Variants in SOS1 observed in about 807,000 individuals in gnomAD.
SOS1 encodes the protein SOS Ras/Rac guanine nucleotide exchange factor 1.
In SOS1, 25 loss-of-function variants were observed where a neutral mutation model predicts 157.6. The observed-to-expected ratio is 0.16, with a 90% CI of 0.12 to 0.22. The LOEUF (loss-of-function observed/expected upper bound fraction) is 0.22, where lower values mean the gene tolerates loss of function less well. Ranked by LOEUF, SOS1 falls within the 10% of genes least tolerant of loss-of-function variation. The probability of loss-of-function intolerance (pLI) is 1.00; values close to 1 mark genes in which losing one functional copy is unlikely to be tolerated. For missense variants in SOS1, 1,237 were observed against 1,599.1 expected, an observed-to-expected ratio of 0.77 and a Z score of 3.86; for synonymous variants, 528 against 534.0, an observed-to-expected ratio of 0.99 and a Z score of 0.16.
intron 1 of SOS1, among the ~76,000 whole-genome samples, chr2:39,116,154 T>C (rs984823241): frequency 1.1e-4 from 16 of 145,138 alleles, no homozygotes; most frequent in Middle Eastern, 3.2e-3. Context: ...CAACAACCAA[T>C]AGCCAGTTGG....
chr2:39,026,043 G>A (rs1230507333), intron 8 of SOS1, among the ~76,000 whole-genome samples: 1 of 152,026 alleles, frequency 6.6e-6, no homozygotes, highest in African/African-American at 2.4e-5. Context: ...AAAATTTTCA[G>A]TCTTAACTGT....
At chr2:39,018,741 C>G (rs546828305) in intron 10 of SOS1, among the ~76,000 whole-genome samples, 1 of 151,818 alleles carries the variant, frequency 6.6e-6, no homozygotes, top group East Asian at 1.9e-4. Context: ...CCACCCCCAA[C>G]CACCACAGTA....
Position 38,982,710 on chromosome 2 carries a change from C to A in SOS1, c.*3114G>T, listed in dbSNP as rs982890782. 1.3e-5 allele frequency: 2 copies of A among 152,066 alleles called. No homozygotes were observed. Among genetic ancestry groups the A allele is most frequent in the African/African-American group, 4.8e-5 (2 of 41,422 alleles). 9.4% of individuals were successfully genotyped at this position (152,066 alleles called of 1,614,324 possible). A position where few individuals can be genotyped will look rare whatever the true frequency, so the allele number is the denominator to read the frequency against. ...CTATTTTGCTGAGTCACTTAAAAATCTGAATTTAAGCTGTCATATTAGAAG... is the reference window on the plus strand; with the variant it reads ...CTATTTTGCTGAGTCACTTAAAAATATGAATTTAAGCTGTCATATTAGAAG... On this transcript the variant is annotated 3_prime_UTR_variant, in exon 23 of 23. Coordinates refer to ENST00000402219, the MANE Select transcript of SOS1 (RefSeq NM_005633.4).
At chr2:39,084,981 G>A (rs936348773) in intron 1 of SOS1, among the ~76,000 whole-genome samples, 14 of 152,258 alleles carry the variant, frequency 9.2e-5, no homozygotes, top group Non-Finnish European at 1.9e-4. Context: ...CACAGATGGG[G>A]CGCTTTATCA....
chr2:39,018,989 A>ATAAG (rs1452735858), intron 10 of SOS1, among the ~76,000 whole-genome samples: 2 of 151,888 alleles, frequency 1.3e-5, no homozygotes, highest in Non-Finnish European at 3.0e-5. Context: ...AAAGATTTAA[A>ATAAG]TAAGTTAAAA....
chr2:39,105,670 G>A (rs1427436286), intron 1 of SOS1, among the ~76,000 whole-genome samples: 1 of 152,048 alleles, frequency 6.6e-6, no homozygotes, highest in African/African-American at 2.4e-5. Flanking sequence ...GGCCGAGGTG[G>A]GTAGATGACC....
intron 1 of SOS1, among the ~76,000 whole-genome samples, chr2:39,085,952 G>T (rs1269791602): frequency 6.6e-6 from 1 of 152,200 alleles, no homozygotes; most frequent in Non-Finnish European, 1.5e-5. Context: ...GTAAGAGGCA[G>T]AGTAGTAAAA....
chr2:39,120,186 A>AG (rs1673814550), intron 1 of SOS1, 150 bp downstream of exon 1: 4 of 611,086 alleles, frequency 6.5e-6, no homozygotes, highest in South Asian at 2.8e-5. Flanking sequence ...CAGCCGTATG[A>AG]GGGGGGCCTC....
At chr2:39,111,638 G>C (rs1199773408) in intron 1 of SOS1, among the ~76,000 whole-genome samples, 1 of 151,856 alleles carries the variant, frequency 6.6e-6, no homozygotes, top group Middle Eastern at 3.5e-3. Flanking sequence ...CATAATCTCT[G>C]TGGACTTCAT....
At position 38,987,558 on chromosome 2, in the gene SOS1, T is replaced by C; in HGVS notation, c.3425A>G (p.Lys1142Arg). The change falls in exon 22 of 23, where the codon AAA (lysine) becomes AGA (arginine). Residue 1142 changes from lysine to arginine, a missense_variant. Lys to Arg is a conservative substitution (Grantham distance 26). This residue lies in a region of SOS1 where 306 missense variants were observed against 322.6 expected (regional missense o/e 0.95). Coordinates refer to ENST00000402219, the MANE Select transcript of SOS1 (RefSeq NM_005633.4). Reference sequence around the variant, plus strand: ...AGGGACAGGCACTTCATCAGTGCCTTTGGTTAAACTTATAGATGATACAGA... The same window carrying C: ...AGGGACAGGCACTTCATCAGTGCCTCTGGTTAAACTTATAGATGATACAGA... ...SASVSSISLT[K>R]GTDEVPVPPP... 6.3e-7 allele frequency: 1 copy of C among 1,592,924 alleles called. No individual in the cohort carries two copies. The highest frequency in any genetic ancestry group is 8.6e-7 in the Non-Finnish European group (1 of 1,162,532).
intron 17 of SOS1, among the ~76,000 whole-genome samples, chr2:39,000,551 CAAA>C (rs1669060482): frequency 6.6e-6 from 1 of 152,112 alleles, no homozygotes; most frequent in Admixed American, 6.6e-5. Context: ...AGCATTATGA[CAAA>C]GAAGAGGGCT....
chr2:39,098,036 G>C (rs979532713), intron 1 of SOS1: 12 of 152,362 alleles, frequency 7.9e-5, no homozygotes, highest in African/African-American at 2.9e-4. Context: ...CATTAGTTTA[G>C]ATATCATTAG....
intron 10 of SOS1, among the ~76,000 whole-genome samples, chr2:39,021,966 A>G (rs1669812643): frequency 6.6e-6 from 1 of 151,788 alleles, no homozygotes; most frequent in South Asian, 2.1e-4. Flanking sequence ...TTTTTCATGT[A>G]AAATCTAGGC....
At chr2:39,027,829 T>C (rs1008620763) in intron 8 of SOS1, among the ~76,000 whole-genome samples, 2 of 151,480 alleles carry the variant, frequency 1.3e-5, no homozygotes, top group African/African-American at 4.8e-5. Context: ...ATCATATTAT[T>C]ATTTTTTTTT....
At chr2:38,999,344 T>C (rs1572808755) in intron 17 of SOS1, among the ~76,000 whole-genome samples, 1 of 152,014 alleles carries the variant, frequency 6.6e-6, no homozygotes, top group African/African-American at 2.4e-5. Flanking sequence ...AAGGGCTGGG[T>C]TTGTACTTCT....
At chr2:39,096,946 T>A (rs191240415) in intron 1 of SOS1, among the ~76,000 whole-genome samples, 1 of 152,012 alleles carries the variant, frequency 6.6e-6, no homozygotes, top group Admixed American at 6.6e-5. Context: ...ATATAAAGAA[T>A]TGCCAGAAAT....
intron 1 of SOS1, among the ~76,000 whole-genome samples, chr2:39,110,358 C>A (rs1250779625): frequency 1.3e-5 from 2 of 152,146 alleles, no homozygotes; most frequent in African/African-American, 4.8e-5. Flanking sequence ...CATCCTCCTC[C>A]CGCAGATACT....
intron 17 of SOS1, among the ~76,000 whole-genome samples, chr2:39,001,112 A>G (rs1669082820): frequency 6.6e-6 from 1 of 152,198 alleles, no homozygotes; most frequent in Admixed American, 6.5e-5. Flanking sequence ...AGGCGGGAGT[A>G]TAGTGGTGCG....
chr2:39,121,265 T>G (rs1291810066), upstream of SOS1, among the ~76,000 whole-genome samples: 1 of 151,598 alleles, frequency 6.6e-6, no homozygotes, highest in African/African-American at 2.4e-5. Context: ...ATGACTAGGG[T>G]AAAGAGGCTC....
Sources: allele counts gnomAD v4.1 joint callset (sites outside exome capture counted in the v4.1 genomes callset), GRCh38; gene constraint gnomAD v4.1.1; regional missense constraint gnomAD v4.1.1; transcripts MANE v1.5; gene names NCBI Gene and HGNC (gene_info 2026-07-23, HGNC 2026-07-21).